Variants in XKR6 observed in about 807,000 individuals in gnomAD.
XKR6 encodes XK related 6.
XKR6 carries 22 observed loss-of-function variants against 56.7 expected under a neutral mutation model. That is an observed-to-expected ratio of 0.39 (90% CI 0.28 to 0.55). The LOEUF is 0.55. Ranked by LOEUF, XKR6 falls within the 20% of genes least tolerant of loss-of-function variation. The pLI is 0.66. For synonymous variants in XKR6, 524 were observed against 387.8 expected (o/e 1.35, Z -4.13); for missense variants, 852 against 889.0 (o/e 0.96, Z 0.53).
At chr8:10,921,227 T>G (rs911353271) in intron 2 of XKR6, among the ~76,000 whole-genome samples, 1 of 152,248 alleles carries the variant, frequency 6.6e-6, no homozygotes, top group Non-Finnish European at 1.5e-5. Flanking sequence ...GTTTATAATC[T>G]GAGAAACTAT....
Position 10,927,807 on chromosome 8 carries a change from A to G in XKR6, c.765-2977T>C, listed in dbSNP as rs1023063352. On this transcript the variant is annotated intron_variant, in intron 1 of 2. Coordinates refer to ENST00000416569, the MANE Select transcript of XKR6 (RefSeq NM_173683.4). ...GAAGAGCCAGGGTGGATGTAGGCAA[A>G]GAGGGTGCCACTCCTCCCTGAGCCA... Among the ~76,000 whole-genome samples the G allele has an allele frequency of 4.6e-5, 7 of 152,134 alleles. No homozygotes were observed. In the East Asian group the frequency reaches 1.4e-3, roughly 29 times the overall value.
intron 1 of XKR6, among the ~76,000 whole-genome samples, chr8:11,083,615 G>A (rs528588429): frequency 3.3e-5 from 5 of 152,358 alleles, no homozygotes; most frequent in African/African-American, 1.2e-4. Context: ...AATGAGGAGA[G>A]AGGACAGGAA....
At chr8:11,055,548 G>T (rs1223473103) in intron 1 of XKR6, among the ~76,000 whole-genome samples, 1 of 152,144 alleles carries the variant, frequency 6.6e-6, no homozygotes, top group Non-Finnish European at 1.5e-5. Flanking sequence ...ATGGGGTTCC[G>T]CCCGCCCCGC....
chr8:10,969,082 C>A (rs558442808), intron 1 of XKR6, among the ~76,000 whole-genome samples: 2 of 152,326 alleles, frequency 1.3e-5, no homozygotes, highest in East Asian at 3.9e-4. Flanking sequence ...GAATCACAGT[C>A]TTGTGTGACA....
At chr8:11,086,159 A>ATTTTTT (rs1797884006) in intron 1 of XKR6, among the ~76,000 whole-genome samples, 1 of 124,554 alleles carries the variant, frequency 8.0e-6, no homozygotes, top group African/African-American at 3.7e-5. Flanking sequence ...TTTTTTTTTA[A>ATTTTTT]AAAAAACAAG....
intron 1 of XKR6, among the ~76,000 whole-genome samples, chr8:10,969,398 C>G: frequency 6.6e-6 from 1 of 152,116 alleles, no homozygotes; most frequent in East Asian, 1.9e-4. Context: ...CAAAGGAACT[C>G]CGGGAAAAGG....
In XKR6 at chr8:11,201,214, G is replaced by T; in HGVS notation, c.126C>A (p.Gly42=). The T allele has an allele frequency of 1.3e-6, 2 of 1,533,704 alleles. No individual in the cohort carries two copies. The highest frequency in any genetic ancestry group is 1.7e-6 in the Non-Finnish European group (2 of 1,147,316). ...GEPGGGGCGG[G]GDGSEPGESS... is the part of the protein sequence containing the mutation. Reference sequence around the variant, plus strand: ...TCTCGCCGGGCTCGCTGCCGTCGCCGCCGCCGCCGCAGCCGCCTCCCCCGG... The same window carrying T: ...TCTCGCCGGGCTCGCTGCCGTCGCCTCCGCCGCCGCAGCCGCCTCCCCCGG... Residue 42 remains glycine (G), a synonymous_variant, in exon 1 of 3, where the codon GGC becomes GGA. Transcript: ENST00000416569.
Position 11,200,677 on chromosome 8 carries a change from G to T in XKR6, c.663C>A (p.Gly221=), listed in dbSNP as rs1313004008. The T allele has an allele frequency of 2.6e-6, 4 of 1,567,732 alleles. No individual in the cohort carries two copies. The highest frequency in any genetic ancestry group is 2.6e-6 in the Non-Finnish European group (3 of 1,165,976). Residue 221 remains glycine (G), a synonymous_variant, in exon 1 of 3, where the codon GGC becomes GGA. Transcript: ENST00000416569. This position sits in a 1 kb window ranked among gnomAD's most constrained non-coding sequence, Gnocchi z 6.4. The stretch of plus-strand genomic sequence containing the variant: ...CCCCCGGCGTGGGGGAGACCCTCAC[G>T]CCTGGGCCACCGCGGGCCGCGCCGT... ...YVHGAARGGP[G]VRVSPTPGAQ...
intron 1 of XKR6, among the ~76,000 whole-genome samples, chr8:11,101,455 T>C (rs1798479204): frequency 6.6e-6 from 1 of 152,098 alleles, no homozygotes; most frequent in African/African-American, 2.4e-5. Flanking sequence ...TTCATTTTTG[T>C]GCACTCTCTA....
chr8:10,981,093 G>A (rs1212299343), intron 1 of XKR6, among the ~76,000 whole-genome samples: 1 of 152,122 alleles, frequency 6.6e-6, no homozygotes, highest in Non-Finnish European at 1.5e-5. Flanking sequence ...ATCTCCCAAA[G>A]CCTTTGTTGT....
chr8:10,948,264 C>G (rs1400777264), intron 1 of XKR6, among the ~76,000 whole-genome samples: 1 of 152,152 alleles, frequency 6.6e-6, no homozygotes, highest in Non-Finnish European at 1.5e-5. Flanking sequence ...GGCTCAGGTC[C>G]GTCCCCATCC....
rs1357788897 is a variant in XKR6 at position 11,201,157 on chromosome 8, G to A, written c.183C>T (p.Asn61=). The part of the protein sequence containing the change: ...SSSMHICHCC[N]TSSCYWGCRS... ...GGCAGCCCCAGTAGCACGAGGAGGT[G>A]TTGCAGCAGTGGCAGATGTGCATCG... Residue 61 remains asparagine (N), a synonymous_variant, in exon 1 of 3, where the codon AAC becomes AAT. Transcript: ENST00000416569. 3.3e-6 allele frequency: 5 copies of A among 1,524,134 alleles called. No individual in the cohort carries two copies. Among genetic ancestry groups the A allele is most frequent in the African/African-American group, 2.8e-5 (2 of 71,094 alleles). 94.4% of individuals were successfully genotyped at this position (1,524,134 alleles called of 1,614,324 possible). A position where few individuals can be genotyped will look rare whatever the true frequency, so the allele number is the denominator to read the frequency against.
intron 1 of XKR6, among the ~76,000 whole-genome samples, chr8:10,970,300 G>C (rs1301923848): frequency 1.3e-5 from 2 of 152,188 alleles, no homozygotes; most frequent in Non-Finnish European, 2.9e-5. Context: ...TGGGTACTGA[G>C]GTCGCGACAG....
intron 1 of XKR6, among the ~76,000 whole-genome samples, chr8:11,177,190 G>A (rs1802702353): frequency 6.6e-6 from 1 of 152,174 alleles, no homozygotes; most frequent in Non-Finnish European, 1.5e-5. Flanking sequence ...ACGCAGGTAG[G>A]TGCAACAGGC....
chr8:10,960,790 C>A (rs1479777468), intron 1 of XKR6, among the ~76,000 whole-genome samples: 1 of 152,218 alleles, frequency 6.6e-6, no homozygotes, highest in East Asian at 1.9e-4. Context: ...CCTTTCACTC[C>A]TGCAGCACAC....
At chr8:11,077,682 C>A (rs1204163678) in intron 1 of XKR6, among the ~76,000 whole-genome samples, 1 of 152,182 alleles carries the variant, frequency 6.6e-6, no homozygotes, top group Non-Finnish European at 1.5e-5. Context: ...CCCCGCCCAG[C>A]TCCCTCTTAT....
intron 1 of XKR6, among the ~76,000 whole-genome samples, chr8:10,982,294 G>A (rs983540914): frequency 1.3e-5 from 2 of 152,190 alleles, no homozygotes; most frequent in African/African-American, 4.8e-5. Flanking sequence ...TGAAAGATAC[G>A]GTTTCTCAAG....
chr8:11,086,278 G>A (rs868782033), intron 1 of XKR6, among the ~76,000 whole-genome samples: 4 of 152,000 alleles, frequency 2.6e-5, no homozygotes, highest in Middle Eastern at 3.2e-3. Context: ...CACATTACAG[G>A]CAAACATAGA....
intron 1 of XKR6, among the ~76,000 whole-genome samples, chr8:10,988,077 G>A (rs10216401): frequency 0.012 from 1,791 of 152,262 alleles, 23 homozygotes; most frequent in African/African-American, 0.04. Flanking sequence ...GGCTGTTCCC[G>A]GGCCATCCCC....
Sources: allele counts gnomAD v4.1 joint callset (sites outside exome capture counted in the v4.1 genomes callset), GRCh38; gene constraint gnomAD v4.1.1; non-coding constraint Gnocchi (gnomAD v3.1); transcripts MANE v1.5; gene names NCBI Gene and HGNC (gene_info 2026-07-23, HGNC 2026-07-21).